BANP: variants seen among roughly 807,000 people sequenced by gnomAD.
The protein encoded by BANP is BTG3 associated nuclear protein.
BANP carries 11 observed loss-of-function variants against 68.1 expected under a neutral mutation model. The observed-to-expected ratio is 0.16, with a 90% confidence interval of 0.10 to 0.27. The LOEUF is 0.27. Ranked by LOEUF, BANP falls within the 10% of genes least tolerant of loss-of-function variation. The pLI is 1.00. For missense variants in BANP, 504 were observed against 722.7 expected, an observed-to-expected ratio of 0.70 and a Z score of 3.47; for synonymous variants, 329 against 303.2, an observed-to-expected ratio of 1.09 and a Z score of -0.88.
rs2061090044 is a variant in BANP, at chr16:87,971,374, A to G, written c.-68-3674A>G. Among the ~76,000 whole-genome samples the G allele has an allele frequency of 5.3e-5, 8 of 152,274 alleles. No individual in the cohort carries two copies. The South Asian group carries it at 1.2e-3, about 24-fold the overall frequency. ...CTTGTTTGTTGCCAGTGCCTTCAGGAGGGAATTTTTGGGAATACTGTTCTC... is the reference window on the plus strand; with the variant it reads ...CTTGTTTGTTGCCAGTGCCTTCAGGGGGGAATTTTTGGGAATACTGTTCTC... On this transcript the variant is annotated intron_variant, in intron 1 of 13. Coordinates refer to ENST00000682872, the MANE Select transcript of BANP (RefSeq NM_001386991.1).
chr16:88,044,714 T>C (rs1246651855), intron 11 of BANP, among the ~76,000 whole-genome samples: 1 of 152,266 alleles, frequency 6.6e-6, no homozygotes. Flanking sequence ...CTGGGCACGG[T>C]GGCTCACGCC....
At chr16:88,058,754 C>T (rs370268825) in intron 11 of BANP, among the ~76,000 whole-genome samples, 4 of 152,156 alleles carry the variant, frequency 2.6e-5, no homozygotes, top group South Asian at 4.1e-4. Flanking sequence ...CATGGCTGCT[C>T]TTGGCTGCAT....
At chr16:88,058,029 G>A (rs972557617) in intron 11 of BANP, among the ~76,000 whole-genome samples, 4 of 152,170 alleles carry the variant, frequency 2.6e-5, no homozygotes, top group Admixed American at 6.5e-5. Context: ...GGGTTCAAGC[G>A]TAATATAATT....
intron 1 of BANP, among the ~76,000 whole-genome samples, chr16:87,955,764 C>G (rs1210097006): frequency 6.6e-6 from 1 of 152,168 alleles, no homozygotes; most frequent in South Asian, 2.1e-4. Context: ...CGGGGTAACA[C>G]CATCAGTCAT....
chr16:88,073,276 C>T (rs571967015), intron 13 of BANP, among the ~76,000 whole-genome samples: 106 of 152,362 alleles, frequency 7.0e-4, no homozygotes, highest in Middle Eastern at 3.4e-3. Context: ...CTGACGCTCA[C>T]GTCTTCACAG....
At chr16:88,024,795 A>G (rs898693411) in intron 7 of BANP, among the ~76,000 whole-genome samples, 9 of 152,272 alleles carry the variant, frequency 5.9e-5, no homozygotes, top group Middle Eastern at 3.2e-3. Context: ...TCTGAGGACA[A>G]TGGAAACTCG....
intron 11 of BANP, among the ~76,000 whole-genome samples, chr16:88,046,508 A>G (rs1201777591): frequency 1.3e-5 from 2 of 152,010 alleles, no homozygotes; most frequent in East Asian, 1.9e-4. Flanking sequence ...GGGAGTTGGC[A>G]TTGTTTATGT....
intron 11 of BANP, among the ~76,000 whole-genome samples, chr16:88,058,308 C>T (rs2085687314): frequency 6.6e-6 from 1 of 152,192 alleles, no homozygotes; most frequent in East Asian, 1.9e-4. Context: ...GGGTTTCACG[C>T]AGGTGGGCCC....
At position 88,063,138 on chromosome 16, in the gene BANP, G is replaced by A. The variant is rs142606582; in HGVS notation, c.1312-2129G>A. Among the ~76,000 whole-genome samples the A allele has an allele frequency of 9.9e-3, 1,515 of 152,362 alleles. 11 individuals carry two copies. Among genetic ancestry groups the A allele is most frequent in the Middle Eastern group, 0.024 (7 of 294 alleles). On this transcript the variant is annotated intron_variant, in intron 11 of 13. Coordinates refer to ENST00000682872, the MANE Select transcript of BANP (RefSeq NM_001386991.1). ...AGCGCAGCCAAGCGGAGGGCGCACC[G>A]CGGCCTTCTGTGTGACTGTTCTCAG...
At chr16:87,998,289 G>A (rs1269851494) in intron 4 of BANP, among the ~76,000 whole-genome samples, 1 of 152,218 alleles carries the variant, frequency 6.6e-6, no homozygotes, top group South Asian at 2.1e-4. Context: ...TGAGGGTTGT[G>A]GGGGCAGTGA....
At chr16:88,040,831 G>C (rs1260898433) in intron 11 of BANP, among the ~76,000 whole-genome samples, 1 of 152,254 alleles carries the variant, frequency 6.6e-6, no homozygotes, top group Non-Finnish European at 1.5e-5. Flanking sequence ...CCCAACCGGA[G>C]TAAGAGAACA....
chr16:87,999,330 G>A (rs1389482978), intron 4 of BANP, among the ~76,000 whole-genome samples: 1 of 144,602 alleles, frequency 6.9e-6, no homozygotes, highest in Non-Finnish European at 1.5e-5. Flanking sequence ...ACGTCTCCAT[G>A]CACGCACATG....
intron 1 of BANP, among the ~76,000 whole-genome samples, chr16:87,972,395 AGTTT>A (rs2061288252): frequency 6.7e-6 from 1 of 149,414 alleles, no homozygotes; most frequent in Non-Finnish European, 1.5e-5. Flanking sequence ...AATGTATTTC[AGTTT>A]GTTTTGAATT....
chr16:87,961,317 CATTTTATTTTATT>C (rs2059077751), intron 1 of BANP, among the ~76,000 whole-genome samples: 1 of 151,346 alleles, frequency 6.6e-6, no homozygotes, highest in Admixed American at 6.6e-5. Context: ...TGTAAGGCTG[CATTTTATTTTATT>C]TTTTCGTACT....
rs762407903 is a variant in BANP at position 88,076,572 on chromosome 16, C to T, written c.1522-18C>T. On this transcript the variant is annotated intron_variant, in intron 13 of 13. Coordinates refer to ENST00000682872, the MANE Select transcript of BANP (RefSeq NM_001386991.1). The stretch of plus-strand genomic sequence containing the variant: ...CTGGGTATTTTTCTAGAAAGTCCCT[C>T]CTTTCTCCCTTTTGCAGACGGCCGA... 10 of 1,610,532 alleles carry T rather than the reference C, an allele frequency of 6.2e-6. No homozygotes were observed. Among genetic ancestry groups the T allele is most frequent in the Admixed American group, 1.7e-5 (1 of 59,770 alleles).
At position 88,004,272 on chromosome 16, in the gene BANP, T is replaced by G; in HGVS notation, c.363-23T>G. On this transcript the variant is annotated intron_variant, in intron 4 of 13. Transcript: ENST00000682872. This position sits in a 1 kb window ranked among gnomAD's most constrained non-coding sequence, Gnocchi z 7.0. The stretch of plus-strand genomic sequence containing the variant: ...TTGTTGTTTTAAGGCCTTCTTTTTC[T>G]TTGTGATTCTTTTGTTCCCTAGCGT... The G allele has an allele frequency of 1.4e-6, 2 of 1,397,544 alleles. No homozygotes were observed. The highest frequency in any genetic ancestry group is 2.0e-6 in the Non-Finnish European group (2 of 1,008,106). The allele number at this position is 1,397,544 out of a possible 1,614,324, so 86.6% of individuals were successfully genotyped here. A position where few individuals can be genotyped will look rare whatever the true frequency, so the allele number is the denominator to read the frequency against.
chr16:88,044,933 G>C (rs954846114), intron 11 of BANP, among the ~76,000 whole-genome samples: 26 of 151,948 alleles, frequency 1.7e-4, no homozygotes, highest in Non-Finnish European at 2.5e-4. Context: ...ATTGAGCTGA[G>C]ATCGCGCCAC....
At chr16:87,982,087 A>T (rs113457713) in intron 3 of BANP, among the ~76,000 whole-genome samples, 1 of 152,254 alleles carries the variant, frequency 6.6e-6, no homozygotes, top group East Asian at 1.9e-4. Flanking sequence ...TGACTGTAAA[A>T]TGCCTGTTTC....
chr16:88,029,538 G>C (rs1457312972), intron 8 of BANP, among the ~76,000 whole-genome samples: 9 of 150,992 alleles, frequency 6.0e-5, no homozygotes, highest in Non-Finnish European at 1.2e-4. Context: ...GTGAACCTGG[G>C]AGGCGGAGCT....
Sources: allele counts gnomAD v4.1 joint callset (sites outside exome capture counted in the v4.1 genomes callset), GRCh38; gene constraint gnomAD v4.1.1; non-coding constraint Gnocchi (gnomAD v3.1); transcripts MANE v1.5; gene names NCBI Gene and HGNC (gene_info 2026-07-23, HGNC 2026-07-21).